The following OSBPL1A variants were observed in gnomAD, a reference collection of about 807,000 sequenced individuals.
The protein encoded by OSBPL1A is oxysterol binding protein like 1A, also known as oxysterol-binding protein-related protein 1.
Under a neutral mutation model 137.1 loss-of-function variants are expected in OSBPL1A, and 80 were observed. The observed-to-expected ratio is 0.58, with a 90% CI of 0.49 to 0.70. The LOEUF (loss-of-function observed/expected upper bound fraction) is 0.70, where lower values mean the gene tolerates loss of function less well. OSBPL1A is among the 30% of genes least tolerant of loss of function. The probability of loss-of-function intolerance (pLI) is 0.00; values close to 1 mark genes in which losing one functional copy is unlikely to be tolerated. For synonymous variants in OSBPL1A, 365 were observed against 389.7 expected (o/e 0.94, Z 0.75); for missense variants, 970 against 1,129.4 (o/e 0.86, Z 2.02).
At chr18:24,350,283 C>T (rs2091416367) in intron 4 of OSBPL1A, among the ~76,000 whole-genome samples, 1 of 152,108 alleles carries the variant, frequency 6.6e-6, no homozygotes, top group Admixed American at 6.6e-5. Context: ...TGGGATGCTC[C>T]CAATTGGGAT....
chr18:24,293,104 CAAAAAAAAAAAAA>C (rs1172730345), intron 14 of OSBPL1A, among the ~76,000 whole-genome samples: 1 of 66,386 alleles, frequency 1.5e-5, no homozygotes, highest in Non-Finnish European at 2.7e-5. Flanking sequence ...ACTCCCGTCT[CAAAAAAAAAAAAA>C]AAAAAAAAAA....
chr18:24,194,597 A>G (rs892915941), intron 18 of OSBPL1A, among the ~76,000 whole-genome samples: 2 of 152,230 alleles, frequency 1.3e-5, no homozygotes, highest in Non-Finnish European at 2.9e-5. Flanking sequence ...ATCCTAATAG[A>G]ATTGAAATAA....
chr18:24,177,968 G>A (rs745920620), intron 21 of OSBPL1A, 45 bp downstream of exon 21: 2 of 1,550,538 alleles, frequency 1.3e-6, no homozygotes, highest in South Asian at 2.3e-5. Context: ...TACACTTACA[G>A]GCAGGTCTAC....
chr18:24,355,698 A>T (rs980942638), intron 4 of OSBPL1A, among the ~76,000 whole-genome samples: 1 of 152,006 alleles, frequency 6.6e-6, no homozygotes, highest in Non-Finnish European at 1.5e-5. Flanking sequence ...AAAAGTCATG[A>T]TACCGGCTGA....
intron 16 of OSBPL1A, among the ~76,000 whole-genome samples, chr18:24,232,256 C>G (rs569110029): frequency 6.6e-6 from 1 of 152,030 alleles, no homozygotes; most frequent in Non-Finnish European, 1.5e-5. Context: ...AACTGAAAAC[C>G]GGGATGAGTC....
intron 7 of OSBPL1A, among the ~76,000 whole-genome samples, chr18:24,319,981 C>CAAAAA (rs56140141): frequency 2.6e-5 from 2 of 77,534 alleles, no homozygotes; most frequent in Non-Finnish European, 2.6e-5. Flanking sequence ...CTTATCTCTA[C>CAAAAA]AAAAAAAAAA....
In OSBPL1A at chr18:24,318,646, C is replaced by T; in HGVS notation, c.688-1G>A. The T allele has an allele frequency of 3.7e-6, 6 of 1,609,174 alleles. No homozygotes were observed. Among genetic ancestry groups the T allele is most frequent in the Non-Finnish European group, 4.2e-6 (5 of 1,178,998 alleles). Reference sequence around the variant, plus strand: ...ATCGTTTCAATGCTTTGTAGATGACCTGTCAAAAACATGTTTTCATGAAAA... The same window carrying T: ...ATCGTTTCAATGCTTTGTAGATGACTTGTCAAAAACATGTTTTCATGAAAA... On this transcript the variant is annotated splice_acceptor_variant, in intron 8 of 27. Transcript: ENST00000319481. LOFTEE classifies it high-confidence loss of function.
chr18:24,206,137 C>A (rs991013851), intron 17 of OSBPL1A, among the ~76,000 whole-genome samples: 2 of 152,210 alleles, frequency 1.3e-5, no homozygotes, highest in African/African-American at 4.8e-5. Context: ...ATTGTCCTCG[C>A]ACCTTGGCCT....
At chr18:24,366,869 A>G (rs1327418133) in intron 4 of OSBPL1A, 23 bp downstream of exon 4, 1 of 1,604,222 alleles carries the variant, frequency 6.2e-7, no homozygotes, top group Admixed American at 1.7e-5. Flanking sequence ...ACTTACAAAC[A>G]TTGAACATAG....
chr18:24,230,153 G>C (rs989999882), intron 16 of OSBPL1A, among the ~76,000 whole-genome samples: 37 of 152,230 alleles, frequency 2.4e-4, no homozygotes, highest in African/African-American at 8.4e-4. Flanking sequence ...AGCATGAAGG[G>C]AAGAGGTGCA....
At chr18:24,377,796 C>T (rs1204230335) in intron 1 of OSBPL1A, among the ~76,000 whole-genome samples, 2 of 152,186 alleles carry the variant, frequency 1.3e-5, no homozygotes, top group Admixed American at 6.5e-5. Flanking sequence ...CAGAATACAA[C>T]CAACCGCATA....
At chr18:24,368,217 A>T in intron 3 of OSBPL1A, 70 bp downstream of exon 3, 1 of 1,263,664 alleles carries the variant, frequency 7.9e-7, no homozygotes, top group Non-Finnish European at 1.1e-6. Flanking sequence ...CTTTTCTAAG[A>T]CTTTCATCTT....
intron 17 of OSBPL1A, among the ~76,000 whole-genome samples, chr18:24,210,532 TTTC>T (rs1349836180): frequency 9.0e-6 from 1 of 111,730 alleles, no homozygotes; most frequent in Non-Finnish European, 2.0e-5. Flanking sequence ...TCCTTTTCTT[TTTC>T]TTTTTTTTTT....
Position 24,318,815 on chromosome 18 carries a change from CA to C in OSBPL1A, c.626-7del. 1.2e-6 allele frequency: 2 copies of C among 1,610,146 alleles called. No homozygotes were observed. The highest frequency in any genetic ancestry group is 1.7e-6 in the Non-Finnish European group (2 of 1,178,982). Reference sequence around the variant, plus strand: ...AAGGTCAAGAGGTTTCTGATCTGTGCAAAATACAAAGAAAAAAAGCCATCAA... The same window carrying C: ...AAGGTCAAGAGGTTTCTGATCTGTGCAAATACAAAGAAAAAAAGCCATCAA... On this transcript the variant is annotated splice_region_variant and splice_polypyrimidine_tract_variant and intron_variant, in intron 7 of 27. Transcript: ENST00000319481.
intron 2 of OSBPL1A, among the ~76,000 whole-genome samples, chr18:24,371,460 A>G (rs956850224): frequency 3.3e-5 from 5 of 152,060 alleles, no homozygotes; most frequent in African/African-American, 1.2e-4. Context: ...ACTCTGCTAA[A>G]CTTTCCTCCC....
At chr18:24,272,241 T>TTTTTTTC (rs1167909290) in intron 15 of OSBPL1A, 3 of 983,218 alleles carry the variant, frequency 3.1e-6, no homozygotes, top group South Asian at 4.7e-5. Flanking sequence ...GGCAACTTTT[T>TTTTTTTC]TTTTTTCTTT....
At chr18:24,371,090 A>G (rs962062177) in intron 2 of OSBPL1A, among the ~76,000 whole-genome samples, 2 of 152,100 alleles carry the variant, frequency 1.3e-5, no homozygotes, top group African/African-American at 4.8e-5. Context: ...CTTCACTATA[A>G]TATCTGTCAC....
At chr18:24,257,485 G>A (rs909702167) in intron 15 of OSBPL1A, among the ~76,000 whole-genome samples, 1 of 152,062 alleles carries the variant, frequency 6.6e-6, no homozygotes, top group Non-Finnish European at 1.5e-5. Flanking sequence ...AAATCAAGAT[G>A]GATTAAGGAC....
At chr18:24,315,431 C>T (rs1818583490) in intron 11 of OSBPL1A, among the ~76,000 whole-genome samples, 1 of 151,598 alleles carries the variant, frequency 6.6e-6, no homozygotes, top group African/African-American at 2.4e-5. Flanking sequence ...AGTCCAGAGC[C>T]ACTGCCCAAG....
Sources: allele counts gnomAD v4.1 joint callset (sites outside exome capture counted in the v4.1 genomes callset), GRCh38; gene constraint gnomAD v4.1.1; transcripts MANE v1.5; gene names NCBI Gene and HGNC (gene_info 2026-07-23, HGNC 2026-07-21).